ROBO1: variants seen among roughly 807,000 people sequenced by gnomAD.
ROBO1 encodes roundabout homolog 1.
ROBO1 carries 149 observed loss-of-function variants against 195.9 expected under a neutral mutation model. The observed-to-expected ratio is 0.76, with a 90% confidence interval of 0.67 to 0.87. The LOEUF is 0.87. Ranked by LOEUF, ROBO1 falls within the 40% of genes least tolerant of loss-of-function variation. The probability of loss-of-function intolerance (pLI) is 0.00; values close to 1 mark genes in which losing one functional copy is unlikely to be tolerated. For missense variants in ROBO1, 1,933 were observed against 2,068.3 expected (o/e 0.93, Z 1.27); for synonymous variants, 816 against 733.2 (o/e 1.11, Z -1.82).
chr3:78,876,092 G>T (rs1291840428), intron 4 of ROBO1, among the ~76,000 whole-genome samples: 2 of 151,944 alleles, frequency 1.3e-5, no homozygotes, highest in African/African-American at 4.8e-5. Context: ...GAAAGGAAAG[G>T]TTACTCACAG....
At chr3:79,328,208 A>G (rs909279452) in intron 2 of ROBO1, among the ~76,000 whole-genome samples, 1 of 152,198 alleles carries the variant, frequency 6.6e-6, no homozygotes, top group Non-Finnish European at 1.5e-5. Context: ...GATCTAGCAA[A>G]GGTTTTACTT....
At chr3:79,279,670 G>A (rs2031353853) in intron 2 of ROBO1, among the ~76,000 whole-genome samples, 1 of 152,172 alleles carries the variant, frequency 6.6e-6, no homozygotes, top group South Asian at 2.1e-4. Flanking sequence ...ATTTATTGCA[G>A]ATATGGAATT....
At chr3:78,794,551 C>T (rs2084127141) in intron 4 of ROBO1, among the ~76,000 whole-genome samples, 1 of 152,140 alleles carries the variant, frequency 6.6e-6, no homozygotes, top group Admixed American at 6.6e-5. Flanking sequence ...TGGAGCACAA[C>T]AGCTGTTCTG....
intron 5 of ROBO1, among the ~76,000 whole-genome samples, chr3:78,728,363 A>G (rs1278696488): frequency 6.6e-6 from 1 of 152,158 alleles, no homozygotes; most frequent in East Asian, 1.9e-4. Context: ...AACTCATAAC[A>G]CAAAATGACA....
intron 5 of ROBO1, among the ~76,000 whole-genome samples, chr3:78,729,055 A>T (rs1474420663): frequency 6.6e-6 from 1 of 152,248 alleles, no homozygotes. Context: ...GTGAGCTGCC[A>T]GCTGAGAACA....
At chr3:79,072,030 T>G (rs1388156829) in intron 3 of ROBO1, among the ~76,000 whole-genome samples, 1 of 151,934 alleles carries the variant, frequency 6.6e-6, no homozygotes, top group Non-Finnish European at 1.5e-5. Flanking sequence ...GAAAGACATT[T>G]TTTAAAAGAA....
chr3:79,186,207 G>C (rs2081434739), intron 2 of ROBO1, among the ~76,000 whole-genome samples: 1 of 152,066 alleles, frequency 6.6e-6, no homozygotes, highest in African/African-American at 2.4e-5. Flanking sequence ...TCTTGCACAT[G>C]TATGAGCATA....
chr3:79,203,282 T>A (rs944009222), intron 2 of ROBO1, among the ~76,000 whole-genome samples: 3 of 152,176 alleles, frequency 2.0e-5, no homozygotes, highest in African/African-American at 7.2e-5. Context: ...AAAGCCATCT[T>A]GCTGAGAGCG....
At chr3:78,849,503 G>GC (rs1368715912) in intron 4 of ROBO1, among the ~76,000 whole-genome samples, 2 of 152,022 alleles carry the variant, frequency 1.3e-5, no homozygotes, top group Non-Finnish European at 2.9e-5. Context: ...AGCGCACAAA[G>GC]CAACAGTTAG....
chr3:78,784,517 C>A (rs2083772989), intron 4 of ROBO1, among the ~76,000 whole-genome samples: 1 of 152,052 alleles, frequency 6.6e-6, no homozygotes, highest in Non-Finnish European at 1.5e-5. Context: ...TGCATGGTTA[C>A]TACATGCCTG....
At chr3:78,614,931 A>C in intron 27 of ROBO1, 131 bp from the exon 28 acceptor site, 1 of 934,020 alleles carries the variant, frequency 1.1e-6, no homozygotes, top group Middle Eastern at 2.9e-4. Context: ...AAAAAGCTTA[A>C]ACAAACTCTT....
Position 79,221,769 on chromosome 3 carries a change from G to A in ROBO1, c.89-96230C>T, listed in dbSNP as rs1159702431. Among the ~76,000 whole-genome samples, 3 of 151,904 alleles carry A rather than the reference G, an allele frequency of 2.0e-5. No individual in the cohort carries two copies. In the East Asian group the frequency reaches 5.8e-4, roughly 29 times the overall value. ...CCAAGCCGGTGTAATAAACTATAAGGAGCCAGATTAAAAATTCAAGTAAAC... is the reference window on the plus strand; with the variant it reads ...CCAAGCCGGTGTAATAAACTATAAGAAGCCAGATTAAAAATTCAAGTAAAC... On this transcript the variant is annotated intron_variant, in intron 2 of 30. Coordinates refer to ENST00000464233, the MANE Select transcript of ROBO1 (RefSeq NM_002941.4).
chr3:79,072,939 T>C (rs2079113117), intron 3 of ROBO1, among the ~76,000 whole-genome samples: 1 of 152,034 alleles, frequency 6.6e-6, no homozygotes, highest in Non-Finnish European at 1.5e-5. Context: ...TAAATATCTG[T>C]GTACTATAAC....
At chr3:79,107,125 TCTCACACACACACA>T (rs2079797492) in intron 3 of ROBO1, among the ~76,000 whole-genome samples, 1 of 136,454 alleles carries the variant, frequency 7.3e-6, no homozygotes, top group Non-Finnish European at 1.6e-5. Context: ...TCTCTCTCTC[TCTCACACACACACA>T]CACACACACA....
chr3:78,769,750 A>G (rs1005067020), intron 4 of ROBO1, among the ~76,000 whole-genome samples: 1 of 151,380 alleles, frequency 6.6e-6, no homozygotes, highest in Non-Finnish European at 1.5e-5. Flanking sequence ...TCCTTTAAGC[A>G]GTTTTCATAG....
chr3:78,833,813 G>A (rs906993321), intron 4 of ROBO1, among the ~76,000 whole-genome samples: 1 of 152,162 alleles, frequency 6.6e-6, no homozygotes, highest in Non-Finnish European at 1.5e-5. Flanking sequence ...ACTGAGGGGT[G>A]AGGGAAGAGA....
intron 4 of ROBO1, among the ~76,000 whole-genome samples, chr3:78,818,866 T>C (rs1454137909): frequency 6.6e-6 from 1 of 152,224 alleles, no homozygotes; most frequent in Non-Finnish European, 1.5e-5. Context: ...GGTGTGAAAA[T>C]AGGTGAGTGA....
intron 3 of ROBO1, among the ~76,000 whole-genome samples, chr3:79,089,029 C>T (rs1485176844): frequency 6.6e-6 from 1 of 151,936 alleles, no homozygotes; most frequent in Non-Finnish European, 1.5e-5. Flanking sequence ...TTGTATTCCT[C>T]GCTTTTAGTA....
chr3:78,721,630 T>C (rs1203149991), intron 5 of ROBO1, among the ~76,000 whole-genome samples: 1 of 152,222 alleles, frequency 6.6e-6, no homozygotes. Flanking sequence ...ATGTTTTTTA[T>C]CTACTATAAA....
Sources: gnomAD v4.1 joint callset for allele counts (sites outside exome capture counted in the v4.1 genomes callset) on GRCh38, gnomAD v4.1.1 for gene constraint, MANE v1.5 for transcripts, NCBI Gene and HGNC (gene_info 2026-07-23, HGNC 2026-07-21) for gene names.